Variants in ESR1 observed in about 807,000 individuals in gnomAD.
ESR1 encodes estrogen receptor.
Under a neutral mutation model 52.7 loss-of-function variants are expected in ESR1, and 12 were observed. The observed-to-expected ratio is 0.23, with a 90% CI of 0.15 to 0.37. ESR1 has a LOEUF of 0.37. Among genes scored for constraint, ESR1 ranks in the 10% least tolerant of loss-of-function variants. The pLI is 1.00. For synonymous variants in ESR1, 305 were observed against 316.8 expected (o/e 0.96, Z 0.39); for missense variants, 584 against 779.7 (o/e 0.75, Z 2.99).
intron 1 of ESR1, among the ~76,000 whole-genome samples, chr6:151,698,936 T>C (rs898001870): frequency 3.9e-5 from 6 of 152,060 alleles, no homozygotes; most frequent in African/African-American, 1.4e-4. Flanking sequence ...AGCATATAGC[T>C]CCTTCACATG....
intron 1 of ESR1, among the ~76,000 whole-genome samples, chr6:151,671,581 T>C (rs1326630369): frequency 6.6e-6 from 1 of 152,108 alleles, no homozygotes; most frequent in Non-Finnish European, 1.5e-5. Flanking sequence ...AAGTTTTAGT[T>C]AGATAGGAGG....
chr6:151,853,693 A>C (rs1292668053), intron 2 of ESR1, among the ~76,000 whole-genome samples: 1 of 152,150 alleles, frequency 6.6e-6, no homozygotes, highest in African/African-American at 2.4e-5. Context: ...AAAGGTTCCA[A>C]ATGTTTTTAA....
intron 3 of ESR1, among the ~76,000 whole-genome samples, chr6:151,920,423 T>TA (rs2031396784): frequency 6.6e-6 from 1 of 152,198 alleles, no homozygotes; most frequent in Non-Finnish European, 1.5e-5. Context: ...ATCGACATCT[T>TA]ACATTATATG....
At position 152,053,240 on chromosome 6, in the gene ESR1, A is replaced by G. The variant is rs2046827726; in HGVS notation, c.1236-7751A>G. Among the ~76,000 whole-genome samples the G allele has an allele frequency of 6.6e-6, 1 of 150,666 alleles. No individual in the cohort carries two copies. Among genetic ancestry groups the G allele is most frequent in the Non-Finnish European group, 1.5e-5 (1 of 67,614 alleles). On this transcript the variant is annotated intron_variant, in intron 5 of 7. Coordinates refer to ENST00000206249, the MANE Select transcript of ESR1 (RefSeq NM_000125.4). The surrounding 1 kb of genome is among the most constrained non-coding windows in gnomAD (Gnocchi z 4.1). ...CTCCCTTAGTCTATCTCACTCTACC[A>G]TCTTTTCCTTTGGACCTTCTGACAT...
At chr6:152,050,041 G>T (rs1310981691) in intron 5 of ESR1, among the ~76,000 whole-genome samples, 1 of 152,118 alleles carries the variant, frequency 6.6e-6, no homozygotes, top group African/African-American at 2.4e-5. Context: ...TATCCACTGG[G>T]CACCACTGTT....
chr6:151,989,187 G>A (rs1386541925), intron 4 of ESR1, among the ~76,000 whole-genome samples: 1 of 152,080 alleles, frequency 6.6e-6, no homozygotes, highest in Non-Finnish European at 1.5e-5. Flanking sequence ...CCCACTTAAG[G>A]CCTTCAAAAA....
In ESR1 at chr6:152,122,505, G is replaced by C. The variant is rs1198815454; in HGVS notation, c.851-2761G>C. 1 of 1,614,190 alleles carries C rather than the reference G, an allele frequency of 6.2e-7. No homozygotes were observed. ...ATGACCGGGCAAAGTTGTTGGAGAG[G>C]GCACAGCTGTAGTCTTCCTCTGACA... On this transcript the variant is annotated intron_variant, in intron 6 of 6. Coordinates refer to the ESR1 transcript ENST00000427531.
rs1180946739 is a variant in ESR1 at position 151,997,134 on chromosome 6, CCG to C, written c.1097-14521_1097-14520del. On this transcript the variant is annotated intron_variant, in intron 4 of 7. Coordinates refer to ENST00000206249, the MANE Select transcript of ESR1 (RefSeq NM_000125.4). ...AAAACAATGTGTGAAGAGCATCTTA[CCG>C]TTCATTGCTTTGGATGATTTGTGCA... is the stretch of plus-strand genomic sequence containing the variant. 6.2e-3 allele frequency among the ~76,000 whole-genome samples: 949 copies of C among 152,064 alleles called. 10 individuals carry two copies. The highest frequency in any genetic ancestry group is 0.022 in the African/African-American group (919 of 41,518).
intron 1 of ESR1, among the ~76,000 whole-genome samples, chr6:151,682,017 G>C (rs2115300980): frequency 6.6e-6 from 1 of 152,302 alleles, no homozygotes; most frequent in South Asian, 2.1e-4. Flanking sequence ...TAAAACATCT[G>C]GAGTTACAAA....
rs184587039 is a variant in ESR1, at chr6:151,928,650, G to A, written c.761-15523G>A. 3.8e-3 allele frequency among the ~76,000 whole-genome samples: 583 copies of A among 151,612 alleles called. 3 individuals are homozygous for A. Among genetic ancestry groups the A allele is most frequent in the African/African-American group, 0.014 (565 of 41,344 alleles). On this transcript the variant is annotated intron_variant, in intron 3 of 7. Coordinates refer to ENST00000206249, the MANE Select transcript of ESR1 (RefSeq NM_000125.4). ...CTAGTTTCCTTAGGTGGTGGCTTAG[G>A]TTGGTTATTGATATTATATATTTTT...
intron 2 of ESR1, 95 bp from the exon 3 acceptor site, chr6:151,880,560 G>C: frequency 1.2e-6 from 1 of 807,254 alleles, no homozygotes; most frequent in Non-Finnish European, 2.2e-6. Context: ...GGCTGAGGAA[G>C]TGATAGGAAA....
At chr6:152,037,170 G>A (rs1372732355) in intron 5 of ESR1, among the ~76,000 whole-genome samples, 1 of 152,084 alleles carries the variant, frequency 6.6e-6, no homozygotes, top group African/African-American at 2.4e-5. Context: ...TTGGACTAAG[G>A]ATATCAGTTC....
intron 5 of ESR1, among the ~76,000 whole-genome samples, chr6:152,030,141 G>A (rs1370698473): frequency 6.6e-6 from 1 of 152,124 alleles, no homozygotes; most frequent in Non-Finnish European, 1.5e-5. Context: ...CCTGAAGGAA[G>A]CACTAAACAC....
At chr6:152,048,280 G>C (rs1220238709) in intron 5 of ESR1, among the ~76,000 whole-genome samples, 1 of 151,036 alleles carries the variant, frequency 6.6e-6, no homozygotes, top group African/African-American at 2.4e-5. Flanking sequence ...GCTGAGGCAG[G>C]GGAATTGCTT....
chr6:152,079,674 C>T lies in ESR1; in HGVS notation c.1370-14711C>T, dbSNP rs181964453. Among the ~76,000 whole-genome samples the T allele has an allele frequency of 1.1e-3, 172 of 152,164 alleles. 4 individuals carry two copies. The South Asian group carries it at 0.028, about 25-fold the overall frequency. On this transcript the variant is annotated intron_variant, in intron 6 of 7. Coordinates refer to ENST00000206249, the MANE Select transcript of ESR1 (RefSeq NM_000125.4). ...TTGACAGAAGTAGGCTTCAGAAGGT[C>T]GGTAATAACAAACTTCTCCAAGCTA... is the stretch of plus-strand genomic sequence containing the variant.
intron 3 of ESR1, among the ~76,000 whole-genome samples, chr6:151,895,028 T>C (rs1795268573): frequency 6.6e-6 from 1 of 152,196 alleles, no homozygotes; most frequent in Non-Finnish European, 1.5e-5. Context: ...GCATGAGATG[T>C]GTTTCCATTT....
chr6:151,851,166 T>C (rs1389594633), intron 2 of ESR1, among the ~76,000 whole-genome samples: 3 of 152,172 alleles, frequency 2.0e-5, no homozygotes, highest in Non-Finnish European at 4.4e-5. Context: ...CCAGACACAG[T>C]GAATTCCTTG....
At chr6:152,047,179 A>G (rs917530147) in intron 5 of ESR1, among the ~76,000 whole-genome samples, 1 of 151,974 alleles carries the variant, frequency 6.6e-6, no homozygotes. Flanking sequence ...GTTGGAGATC[A>G]TCTCATCCAT....
intron 1 of ESR1, among the ~76,000 whole-genome samples, chr6:151,834,071 G>A (rs1249924208): frequency 1.3e-5 from 2 of 152,206 alleles, no homozygotes; most frequent in Non-Finnish European, 2.9e-5. Context: ...AGGATGTGGA[G>A]AAATAGGAAC....
Sources: gnomAD v4.1 joint callset for allele counts (sites outside exome capture counted in the v4.1 genomes callset) on GRCh38, gnomAD v4.1.1 for gene constraint, Gnocchi (gnomAD v3.1) non-coding constraint, MANE v1.5 for transcripts, NCBI Gene and HGNC (gene_info 2026-07-23, HGNC 2026-07-21) for gene names.